The following ROBO2 variants were observed in gnomAD, a reference collection of about 807,000 sequenced individuals.
The protein encoded by ROBO2 is roundabout guidance receptor 2.
A neutral mutation model predicts 160.8 loss-of-function variants in ROBO2; 53 were observed. The ratio of observed to expected loss-of-function variants is 0.33; its 90% CI spans 0.26 to 0.41. The LOEUF (loss-of-function observed/expected upper bound fraction) is 0.41. Ranked by LOEUF, ROBO2 falls within the 10% of genes least tolerant of loss-of-function variation. The pLI is 1.00. For synonymous variants in ROBO2, 664 were observed against 611.7 expected (o/e 1.09, Z -1.26); for missense variants, 1,577 against 1,722.4 (o/e 0.92, Z 1.49).
intron 2 of ROBO2, among the ~76,000 whole-genome samples, chr3:76,251,779 C>T (rs534797318): frequency 2.0e-5 from 3 of 152,018 alleles, no homozygotes; most frequent in African/African-American, 2.4e-5. Flanking sequence ...GTGGATGCTT[C>T]GAAATTTTGA....
At chr3:77,577,941 A>G (rs1361584646) in intron 15 of ROBO2, among the ~76,000 whole-genome samples, 1 of 152,082 alleles carries the variant, frequency 6.6e-6, no homozygotes, top group Admixed American at 6.6e-5. Flanking sequence ...TATCTTTGTT[A>G]TTAGAATTCT....
intron 2 of ROBO2, among the ~76,000 whole-genome samples, chr3:76,913,839 G>A (rs1317750243): frequency 6.6e-6 from 1 of 152,054 alleles, no homozygotes; most frequent in African/African-American, 2.4e-5. Flanking sequence ...TCCTTTAGAT[G>A]AGTAACTGTG....
At chr3:77,195,773 A>G (rs1393805590) in intron 2 of ROBO2, among the ~76,000 whole-genome samples, 1 of 152,204 alleles carries the variant, frequency 6.6e-6, no homozygotes, top group Non-Finnish European at 1.5e-5. Context: ...GCTGAATTGT[A>G]TGGAACCTAA....
At chr3:77,061,075 A>G (rs2066252612) in intron 1 of ROBO2, among the ~76,000 whole-genome samples, 2 of 152,126 alleles carry the variant, frequency 1.3e-5, no homozygotes. Context: ...AGCTGGGACG[A>G]CAGGTGCAGG....
At chr3:76,487,563 C>T (rs1471417661) in intron 2 of ROBO2, among the ~76,000 whole-genome samples, 1 of 152,220 alleles carries the variant, frequency 6.6e-6, no homozygotes, top group South Asian at 2.1e-4. Flanking sequence ...GGAAATAACA[C>T]GCCAAACACC....
intron 2 of ROBO2, among the ~76,000 whole-genome samples, chr3:76,428,839 T>G (rs569477911): frequency 6.6e-6 from 1 of 152,176 alleles, no homozygotes; most frequent in African/African-American, 2.4e-5. Flanking sequence ...TCGACCTTAC[T>G]TAACCCTTCT....
intron 2 of ROBO2, among the ~76,000 whole-genome samples, chr3:76,043,800 C>G (rs2067361575): frequency 1.3e-5 from 2 of 151,868 alleles, no homozygotes; most frequent in African/African-American, 4.9e-5. Flanking sequence ...GAGTTAATAT[C>G]AAGGAGCAAA....
chr3:76,607,100 T>C (rs1438012624), intron 2 of ROBO2, among the ~76,000 whole-genome samples: 1 of 152,226 alleles, frequency 6.6e-6, no homozygotes, highest in East Asian at 1.9e-4. Context: ...TAGAGCGCCG[T>C]GGCTAGTCAC....
At chr3:77,105,624 G>A (rs2150134332) in intron 2 of ROBO2, among the ~76,000 whole-genome samples, 1 of 152,266 alleles carries the variant, frequency 6.6e-6, no homozygotes, top group Admixed American at 6.5e-5. Flanking sequence ...GAACGTGTAT[G>A]AATTTGTGAT....
At chr3:76,631,492 A>G (rs2090027813) in intron 2 of ROBO2, among the ~76,000 whole-genome samples, 1 of 152,196 alleles carries the variant, frequency 6.6e-6, no homozygotes, top group African/African-American at 2.4e-5. Context: ...ACAGCATTTG[A>G]GATGGATCAA....
At chr3:76,771,251 T>G (rs2061888989) in intron 2 of ROBO2, among the ~76,000 whole-genome samples, 1 of 151,284 alleles carries the variant, frequency 6.6e-6, no homozygotes, top group Admixed American at 6.6e-5. Flanking sequence ...GATGATCTTC[T>G]TACATTGATT....
intron 2 of ROBO2, among the ~76,000 whole-genome samples, chr3:76,022,946 G>A (rs1327056223): frequency 1.3e-5 from 2 of 151,692 alleles, no homozygotes; most frequent in East Asian, 1.9e-4. Context: ...CTTGTTTAGC[G>A]AAGCCACCTT....
chr3:76,803,530 AGAAAG>A lies in ROBO2; in HGVS notation c.110-294478_110-294474del, dbSNP rs375430375. Among the ~76,000 whole-genome samples, 372 of 151,974 alleles carry A rather than the reference AGAAAG, an allele frequency of 2.4e-3. 6 individuals carry two copies. The South Asian group carries it at 0.031, about 13-fold the overall frequency. ...AGGGGAGAGAGGGAGGCGAGAAAAA[AGAAAG>A]GAAAGTAGGAAAAGAGAAAAGGAGA... is the stretch of plus-strand genomic sequence containing the variant. On this transcript the variant is annotated intron_variant, in intron 2 of 26. Transcript: ENST00000487694.
intron 2 of ROBO2, chr3:75,964,981 T>A (rs987547637): frequency 6.6e-6 from 1 of 151,706 alleles, no homozygotes; most frequent in African/African-American, 2.4e-5. Flanking sequence ...TGTTTATTTT[T>A]AAGGCTAAGT....
In ROBO2 at chr3:77,402,045, A is replaced by T. The variant is rs539078183; in HGVS notation, c.389-75369A>T. Among the ~76,000 whole-genome samples the T allele has an allele frequency of 3.7e-4, 57 of 152,292 alleles. No homozygotes were observed. In the Middle Eastern group the frequency reaches 0.017, roughly 45 times the overall value. On this transcript the variant is annotated intron_variant, in intron 2 of 25. Coordinates refer to ENST00000461745, the Ensembl canonical transcript of ROBO2. The stretch of plus-strand genomic sequence containing the variant: ...CAACCAACCCAAATGCCCATCAATG[A>T]TAGACTGGATAAAGAAAATGTTGCA...
chr3:77,009,168 C>T (rs1025981312), intron 2 of ROBO2, among the ~76,000 whole-genome samples: 14 of 152,132 alleles, frequency 9.2e-5, no homozygotes, highest in Admixed American at 2.0e-4. Flanking sequence ...CTTGAAAAGA[C>T]GTGACACATA....
intron 2 of ROBO2, among the ~76,000 whole-genome samples, chr3:77,261,146 G>A (rs1426923749): frequency 6.6e-6 from 1 of 152,158 alleles, no homozygotes; most frequent in African/African-American, 2.4e-5. Context: ...CTGCCTCTGA[G>A]TTCTATGTCT....
intron 2 of ROBO2, among the ~76,000 whole-genome samples, chr3:76,953,026 T>A (rs916813973): frequency 6.6e-6 from 1 of 152,180 alleles, no homozygotes; most frequent in African/African-American, 2.4e-5. Context: ...ATCATGACAA[T>A]GTACTAATCC....
intron 2 of ROBO2, among the ~76,000 whole-genome samples, chr3:76,001,036 G>T (rs1179096004): frequency 2.6e-5 from 4 of 151,750 alleles, no homozygotes; most frequent in Non-Finnish European, 5.9e-5. Context: ...TCATTGACTT[G>T]ACTGCATATT....
Sources: gnomAD v4.1 joint callset for allele counts (sites outside exome capture counted in the v4.1 genomes callset) on GRCh38, gnomAD v4.1.1 for gene constraint, MANE v1.5 for transcripts, NCBI Gene and HGNC (gene_info 2026-07-23, HGNC 2026-07-21) for gene names.